POLR2B: variants seen among roughly 807,000 people sequenced by gnomAD.
POLR2B encodes the protein RNA polymerase II subunit B, also known as DNA-directed RNA polymerase II subunit RPB2.
In POLR2B, 57 loss-of-function variants were observed where a neutral mutation model predicts 144.6. That is an observed-to-expected ratio of 0.39 (90% CI 0.32 to 0.49). The LOEUF is 0.49. Among genes scored for constraint, POLR2B ranks in the 20% least tolerant of loss-of-function variants. The probability of loss-of-function intolerance (pLI) is 0.83; values close to 1 mark genes in which losing one functional copy is unlikely to be tolerated. For synonymous variants in POLR2B, 442 were observed against 469.8 expected, an observed-to-expected ratio of 0.94 and a Z score of 0.77; for missense variants, 595 against 1,467.4, an observed-to-expected ratio of 0.41 and a Z score of 9.71.
intron 14 of POLR2B, 78 bp downstream of exon 14, chr4:57,015,734 T>A (rs1723345605): frequency 1.5e-5 from 7 of 473,768 alleles, no homozygotes; most frequent in Non-Finnish European, 2.4e-5. Context: ...AACCTTTTTT[T>A]ATTTTTTATA....
chr4:56,997,261 T>G (rs915556415), intron 6 of POLR2B, among the ~76,000 whole-genome samples: 4 of 148,492 alleles, frequency 2.7e-5, no homozygotes, highest in African/African-American at 1.0e-4. Context: ...CATGCAAAGT[T>G]TTTTTTTTTT....
chr4:57,025,643 AC>A (rs1723692936), intron 23 of POLR2B, 106 bp downstream of exon 23: 1 of 687,948 alleles, frequency 1.5e-6, no homozygotes, highest in South Asian at 2.0e-5. Context: ...TGTGCCTGTT[AC>A]CCCCATTTCA....
intron 6 of POLR2B, 27 bp from the exon 7 acceptor site, chr4:56,999,590 T>A (rs750077504): frequency 6.6e-7 from 1 of 1,520,974 alleles, no homozygotes; most frequent in Non-Finnish European, 9.0e-7. Context: ...TGTATATTCA[T>A]GTTCTAATGA....
intron 6 of POLR2B, among the ~76,000 whole-genome samples, chr4:56,999,024 ACTT>A (rs563711675): frequency 5.0e-4 from 76 of 152,284 alleles, no homozygotes; most frequent in African/African-American, 1.7e-3. Flanking sequence ...TAGGTTAGTA[ACTT>A]TTAATTTGTC....
At chr4:56,986,917 C>CA (rs1229547801) in intron 2 of POLR2B, 1 of 152,268 alleles carries the variant, frequency 6.6e-6, no homozygotes, top group African/African-American at 2.4e-5. Flanking sequence ...GTGTTTATAG[C>CA]AAAATACAAA....
chr4:57,027,341 C>T (rs1723757446), intron 23 of POLR2B, among the ~76,000 whole-genome samples: 1 of 151,546 alleles, frequency 6.6e-6, no homozygotes, highest in Admixed American at 6.6e-5. Context: ...CAGTTTCATC[C>T]CTGTTGCCTA....
In POLR2B at chr4:57,023,410, A is replaced by G. The variant is rs762288589; in HGVS notation, c.2596A>G (p.Ile866Val). The G allele has an allele frequency of 7.4e-6, 12 of 1,613,892 alleles. No homozygotes were observed. Among genetic ancestry groups the G allele is most frequent in the South Asian group, 1.1e-5 (1 of 91,084 alleles). ...GGTTCGTGTATCAGGAGATGATGTT[A>G]TTATAGGCAAAACAGTCACCTTGCC... The part of the protein sequence containing the change: ...PGVRVSGDDV[I>V]IGKTVTLPEN... The change falls in exon 19 of 25, where the codon ATT (isoleucine) becomes GTT (valine). Residue 866 changes from isoleucine to valine, a missense_variant. Coordinates refer to ENST00000314595, the MANE Select transcript of POLR2B (RefSeq NM_000938.3). This position sits in a 1 kb window ranked among gnomAD's most constrained non-coding sequence, Gnocchi z 4.3.
chr4:56,996,236 G>GTGTGTGTGTGTGTGTA (rs1291577789), intron 6 of POLR2B, among the ~76,000 whole-genome samples: 55 of 136,194 alleles, frequency 4.0e-4, no homozygotes, highest in Non-Finnish European at 7.4e-4. Context: ...GTGTGTGTGT[G>GTGTGTGTGTGTGTGTA]TGTATGTATA....
At position 57,017,689 on chromosome 4, in the gene POLR2B, C is replaced by A; in HGVS notation, c.2284C>A (p.Arg762=). Residue 762 remains arginine (R), a synonymous_variant, in exon 16 of 25, where the codon CGG becomes AGG. Transcript: ENST00000314595. This position sits in a 1 kb window ranked among gnomAD's most constrained non-coding sequence, Gnocchi z 4.8. The part of the protein sequence containing the change: ...YYPQKPLVTT[R]SMEYLRFREL... Reference sequence around the variant, plus strand: ...TCCTCAAAAGCCACTTGTGACTACACGGTCTATGGAATATCTACGATTTAG... The same window carrying A: ...TCCTCAAAAGCCACTTGTGACTACAAGGTCTATGGAATATCTACGATTTAG... The A allele has an allele frequency of 6.2e-7, 1 of 1,613,556 alleles. No individual in the cohort carries two copies. The highest frequency in any genetic ancestry group is 2.2e-5 in the East Asian group (1 of 44,864).
At chr4:57,004,428 C>T (rs1560477642) in intron 7 of POLR2B, among the ~76,000 whole-genome samples, 1 of 150,940 alleles carries the variant, frequency 6.6e-6, no homozygotes, top group Non-Finnish European at 1.5e-5. Flanking sequence ...TTTAGGTTCT[C>T]ACTTTCTTTC....
chr4:57,014,338 C>T (rs893299307), intron 13 of POLR2B, among the ~76,000 whole-genome samples: 34 of 150,650 alleles, frequency 2.3e-4, no homozygotes, highest in African/African-American at 4.6e-4. Flanking sequence ...GGATTACAGG[C>T]GCACACCACC....
chr4:57,010,244 G>A, intron 10 of POLR2B, 117 bp from the exon 11 acceptor site: 1 of 906,828 alleles, frequency 1.1e-6, no homozygotes, highest in Non-Finnish European at 1.7e-6. Flanking sequence ...AAAGAATAGA[G>A]AAATGGGGAA....
In POLR2B at chr4:57,003,804, T is replaced by C. The variant is rs1722925542; in HGVS notation, c.901-1442T>C. ...GTTGTAGTAAGCCAAGATGGTGCCA[T>C]TGCACTCCAGCCTGGGTGACAAAGG... On this transcript the variant is annotated intron_variant, in intron 7 of 24. Coordinates refer to ENST00000314595, the MANE Select transcript of POLR2B (RefSeq NM_000938.3). 1.3e-5 allele frequency among the ~76,000 whole-genome samples: 2 copies of C among 150,464 alleles called. 1 individual carries two copies. Among genetic ancestry groups the C allele is most frequent in the South Asian group, 4.2e-4 (2 of 4,752 alleles).
In POLR2B at chr4:57,005,678, A is replaced by G; in HGVS notation, c.1176A>G (p.Arg392=). The G allele has an allele frequency of 6.2e-7, 1 of 1,613,046 alleles. No individual in the cohort carries two copies. The part of the protein sequence containing the change: ...LDDRDHYGNK[R]LDLAGPLLAF... The stretch of plus-strand genomic sequence containing the variant: ...ACAGAGATCACTATGGAAACAAGAG[A>G]TTGGATCTTGCTGGGCCGCTGCTTG... The change falls in exon 9 of 25, where the codon AGA becomes AGG. Residue 392 remains arginine (R), a synonymous_variant. Transcript: ENST00000314595.
intron 1 of POLR2B, among the ~76,000 whole-genome samples, chr4:56,980,051 C>A (rs1299815052): frequency 6.6e-6 from 1 of 151,564 alleles, no homozygotes; most frequent in Non-Finnish European, 1.5e-5. Flanking sequence ...TCAGGTACTT[C>A]TGATAAATCA....
chr4:57,006,851 A>G lies in POLR2B; in HGVS notation c.1253A>G (p.Tyr418Cys), dbSNP rs769512622. ...FKNLLKEVRI[Y>C]AQKFIDRGKD... ...AATTTGCTTAAAGAAGTGCGGATCT[A>G]TGCACAGAAATTTATTGATCGAGGA... is the stretch of plus-strand genomic sequence containing the variant. The change falls in exon 10 of 25, where the codon TAT becomes TGT. Residue 418 changes from tyrosine (Y) to cysteine (C), a missense_variant. By Grantham distance (194) the Tyr-to-Cys change is radical. This residue lies in a region of POLR2B where 251 missense variants were observed against 567.3 expected (regional missense o/e 0.44). Transcript: ENST00000314595. 3 of 1,613,674 alleles carry G rather than the reference A, an allele frequency of 1.9e-6. No individual in the cohort carries two copies. The highest frequency in any genetic ancestry group is 1.1e-5 in the South Asian group (1 of 91,060).
At chr4:56,992,397 G>A (rs1458202893) in intron 3 of POLR2B, among the ~76,000 whole-genome samples, 2 of 137,738 alleles carry the variant, frequency 1.5e-5, no homozygotes, top group Non-Finnish European at 3.1e-5. Flanking sequence ...CGTGGGAGAC[G>A]GAGGTTGCAG....
Position 57,017,791 on chromosome 4 carries a change from G to A in POLR2B, c.2323+63G>A. On this transcript the variant is annotated intron_variant, in intron 16 of 24. Transcript: ENST00000314595. The surrounding 1 kb of genome is among the most constrained non-coding windows in gnomAD (Gnocchi z 4.8). ...CTGTGCTTAAGGCACTTTTCTGGGT[G>A]CTTGGGAGGATTAAAAAATAAATAT... The A allele has an allele frequency of 2.5e-6, 3 of 1,186,196 alleles. No individual in the cohort carries two copies. The highest frequency in any genetic ancestry group is 1.4e-5 in the South Asian group (1 of 69,036). 73.5% of individuals were successfully genotyped at this position (1,186,196 alleles called of 1,614,324 possible). A position where few individuals can be genotyped will look rare whatever the true frequency, so the allele number is the denominator to read the frequency against.
intron 13 of POLR2B, among the ~76,000 whole-genome samples, chr4:57,014,756 G>A (rs887708211): frequency 6.7e-6 from 1 of 150,236 alleles, no homozygotes; most frequent in Admixed American, 6.6e-5. Context: ...CATCCACCTC[G>A]GCCTCCCAGA....
Sources: gnomAD v4.1 joint callset for allele counts (sites outside exome capture counted in the v4.1 genomes callset) on GRCh38, gnomAD v4.1.1 for gene constraint, gnomAD v4.1.1 regional missense constraint, Gnocchi (gnomAD v3.1) non-coding constraint, MANE v1.5 for transcripts, NCBI Gene and HGNC (gene_info 2026-07-23, HGNC 2026-07-21) for gene names.